The following MAP7D2 variants were observed in gnomAD, a reference collection of about 807,000 sequenced individuals.
MAP7D2 encodes MAP7 domain-containing protein 2.
A neutral mutation model predicts 63.5 loss-of-function variants in MAP7D2; 33 were observed. That is an observed-to-expected ratio of 0.52 (90% CI 0.39 to 0.70). The LOEUF is 0.70. Among genes scored for constraint, MAP7D2 ranks in the 30% least tolerant of loss-of-function variants. The pLI is 0.00. For synonymous variants in MAP7D2, 224 were observed against 223.7 expected (o/e 1.00, Z -0.01); for missense variants, 626 against 604.0 (o/e 1.04, Z -0.38).
intron 1 of MAP7D2, chrX:20,116,382 C>T (rs2066894156): frequency 5.4e-6 from 1 of 184,116 alleles, no homozygotes; most frequent in Non-Finnish European, 8.6e-6. Flanking sequence ...GCCGGGGCAA[C>T]CCCAGAACCC....
intron 1 of MAP7D2, among the ~76,000 whole-genome samples, chrX:20,088,897 G>A (rs749107370): frequency 5.5e-4 from 60 of 109,734 alleles, no homozygotes; most frequent in African/African-American, 2.0e-3. Context: ...GCAGTGGCAC[G>A]ATCTCGGCTC....
chrX:20,069,579 A>G, intron 1 of MAP7D2, among the ~76,000 whole-genome samples: 1 of 109,771 alleles, frequency 9.1e-6, no homozygotes, highest in East Asian at 2.9e-4. Flanking sequence ...TGGAGAACAG[A>G]TCCATGCCTA....
At chrX:20,089,109 T>C (rs1603399751) in intron 1 of MAP7D2, among the ~76,000 whole-genome samples, 1 of 112,279 alleles carries the variant, frequency 8.9e-6, no homozygotes, top group South Asian at 3.7e-4. Flanking sequence ...AGAAGTTTTA[T>C]GGCTTTAGGT....
intron 1 of MAP7D2, among the ~76,000 whole-genome samples, chrX:20,093,800 T>C (rs2066136150): frequency 8.9e-6 from 1 of 112,126 alleles, no homozygotes; most frequent in African/African-American, 3.2e-5. Flanking sequence ...TTTCTTTTTG[T>C]GGTGATGAAA....
intron 10 of MAP7D2, among the ~76,000 whole-genome samples, chrX:20,016,624 C>T (rs1209774839): frequency 8.9e-6 from 1 of 112,180 alleles, no homozygotes; most frequent in Non-Finnish European, 1.9e-5. Flanking sequence ...AACAAATGAC[C>T]ACGGTGACAG....
At chrX:20,054,245 A>C (rs1242835830) in intron 4 of MAP7D2, among the ~76,000 whole-genome samples, 1 of 112,311 alleles carries the variant, frequency 8.9e-6, no homozygotes, top group African/African-American at 3.2e-5. Flanking sequence ...TACTCTTTTC[A>C]ATTTTTCCAT....
intron 10 of MAP7D2, among the ~76,000 whole-genome samples, chrX:20,021,913 T>G (rs1040467807): frequency 8.9e-6 from 1 of 112,074 alleles, no homozygotes; most frequent in African/African-American, 3.2e-5. Flanking sequence ...TTAGTCAGGA[T>G]TCTTCCTCCT....
chrX:20,107,416 C>T (rs1351616159), intron 1 of MAP7D2, among the ~76,000 whole-genome samples: 1 of 110,609 alleles, frequency 9.0e-6, no homozygotes, highest in Admixed American at 9.7e-5. Flanking sequence ...ACTAAAAATA[C>T]AAAAATTAGC....
chrX:20,028,432 C>T (rs989979195), intron 8 of MAP7D2, among the ~76,000 whole-genome samples: 1 of 112,277 alleles, frequency 8.9e-6, no homozygotes, highest in African/African-American at 3.2e-5. Context: ...TGAACCAAAA[C>T]CAGGAAGATG....
chrX:20,112,383 C>T (rs1347450404), intron 1 of MAP7D2, among the ~76,000 whole-genome samples: 1 of 111,881 alleles, frequency 8.9e-6, no homozygotes, highest in Non-Finnish European at 1.9e-5. Flanking sequence ...AACCCAAACT[C>T]TGCTAGTCAC....
rs1437018324 is a variant in MAP7D2 at position 20,087,677 on chromosome X, T to C, written c.131-22872A>G. ...ATAAAACTTCACAAATCTAGCCTTATTTTCAGAAATTACAGTATTTCAGAC... is the reference window on the plus strand; with the variant it reads ...ATAAAACTTCACAAATCTAGCCTTACTTTCAGAAATTACAGTATTTCAGAC... On this transcript the variant is annotated intron_variant, in intron 1 of 16. Coordinates refer to ENST00000379643, the MANE Select transcript of MAP7D2 (RefSeq NM_001168465.2). Among the ~76,000 whole-genome samples, 3 of 111,520 alleles carry C rather than the reference T, an allele frequency of 2.7e-5. No individual in the cohort carries two copies. The Admixed American group carries it at 2.9e-4, about 11-fold the overall frequency.
At chrX:20,086,211 C>T (rs899885333) in intron 1 of MAP7D2, among the ~76,000 whole-genome samples, 1 of 111,915 alleles carries the variant, frequency 8.9e-6, no homozygotes, top group African/African-American at 3.3e-5. Flanking sequence ...CTTATCCTGT[C>T]CCTCACACTG....
At chrX:20,080,980 A>G (rs1264756411) in intron 1 of MAP7D2, among the ~76,000 whole-genome samples, 1 of 111,853 alleles carries the variant, frequency 8.9e-6, no homozygotes, top group Non-Finnish European at 1.9e-5. Context: ...TCATGTGAAA[A>G]TACAAGCTCC....
chrX:20,030,690 G>GT, intron 8 of MAP7D2, among the ~76,000 whole-genome samples: 1 of 111,723 alleles, frequency 9.0e-6, no homozygotes, highest in Non-Finnish European at 1.9e-5. Context: ...CATGGGAGGG[G>GT]TCTTGGCTTC....
chrX:20,034,896 A>C (rs1478514844), intron 8 of MAP7D2, among the ~76,000 whole-genome samples: 1 of 111,589 alleles, frequency 9.0e-6, no homozygotes. Flanking sequence ...TGCTAAGTAT[A>C]AAATACTAAC....
chrX:20,105,344 T>C (rs2066539803), intron 1 of MAP7D2, among the ~76,000 whole-genome samples: 1 of 111,244 alleles, frequency 9.0e-6, no homozygotes, highest in Non-Finnish European at 1.9e-5. Context: ...AAGAGTCAAC[T>C]CTGAAGGAAT....
chrX:20,102,923 T>G (rs995055009), intron 1 of MAP7D2, among the ~76,000 whole-genome samples: 1 of 111,540 alleles, frequency 9.0e-6, no homozygotes, highest in Non-Finnish European at 1.9e-5. Context: ...GATCACCTTG[T>G]GTACAATCTC....
chrX:20,064,729 C>T lies in MAP7D2; in HGVS notation c.207G>A (p.Leu69=). 2 of 1,210,107 alleles carry T rather than the reference C, an allele frequency of 1.7e-6. No individual in the cohort carries two copies. Among genetic ancestry groups the T allele is most frequent in the Non-Finnish European group, 2.2e-6 (2 of 893,956 alleles). ...AAATAGCCAAAGTGCATAACTTACC[C>T]AGACATTTTTCTCTTTCTTCTCGTC... ...KERREEREKC[L]AAREQQILEK... The change falls in exon 2 of 17, where the codon CTG becomes CTA. Residue 69 remains leucine (L), a splice_region_variant and synonymous_variant. Transcript: ENST00000379643.
At chrX:20,086,609 A>G (rs1466676561) in intron 1 of MAP7D2, among the ~76,000 whole-genome samples, 1 of 111,531 alleles carries the variant, frequency 9.0e-6, no homozygotes, top group Non-Finnish European at 1.9e-5. Context: ...GGGAAAAGCC[A>G]TAAGTTTAGT....
Sources: allele counts gnomAD v4.1 joint callset (sites outside exome capture counted in the v4.1 genomes callset), GRCh38; gene constraint gnomAD v4.1.1; transcripts MANE v1.5; gene names NCBI Gene and HGNC (gene_info 2026-07-23, HGNC 2026-07-21).